PLCE1: variants seen among roughly 807,000 people sequenced by gnomAD.
The protein encoded by PLCE1 is 1-phosphatidylinositol 4,5-bisphosphate phosphodiesterase epsilon-1.
A neutral mutation model predicts 242.8 loss-of-function variants in PLCE1; 119 were observed. The ratio of observed to expected loss-of-function variants is 0.49; its 90% CI spans 0.42 to 0.57. The LOEUF (loss-of-function observed/expected upper bound fraction) is 0.57. PLCE1 is among the 20% of genes least tolerant of loss of function. The probability of loss-of-function intolerance (pLI) is 0.00; values close to 1 mark genes in which losing one functional copy is unlikely to be tolerated. For missense variants in PLCE1, 2,441 were observed against 2,788.8 expected, an observed-to-expected ratio of 0.88 and a Z score of 2.81; for synonymous variants, 945 against 1,017.4, an observed-to-expected ratio of 0.93 and a Z score of 1.35.
At chr10:94,145,197 A>G (rs1461878774) in intron 3 of PLCE1, among the ~76,000 whole-genome samples, 1 of 152,262 alleles carries the variant, frequency 6.6e-6, no homozygotes, top group Non-Finnish European at 1.5e-5. Context: ...TTCTGAAATA[A>G]AGACTGAGAT....
intron 2 of PLCE1, among the ~76,000 whole-genome samples, chr10:94,077,257 C>A (rs961347302): frequency 6.6e-6 from 1 of 152,122 alleles, no homozygotes; most frequent in African/African-American, 2.4e-5. Flanking sequence ...ACTGGGGTGA[C>A]GGGATGCTAC....
chr10:94,300,793 G>A (rs529186388), intron 24 of PLCE1, among the ~76,000 whole-genome samples: 1 of 152,298 alleles, frequency 6.6e-6, no homozygotes, highest in East Asian at 1.9e-4. Flanking sequence ...AGGTGCAGTG[G>A]CTCATACCTG....
rs117004516 is a variant in PLCE1, at chr10:94,243,178, C to T, written c.2421-2768C>T. On this transcript the variant is annotated intron_variant, in intron 7 of 32. Coordinates refer to ENST00000371380, the MANE Select transcript of PLCE1 (RefSeq NM_016341.4). Reference sequence around the variant, plus strand: ...GAGAAGTCATGTTGGTAGTAGGTGCCCTCAATATGATGTGATAAGAATGAT... The same window carrying T: ...GAGAAGTCATGTTGGTAGTAGGTGCTCTCAATATGATGTGATAAGAATGAT... Among the ~76,000 whole-genome samples, 1,418 of 152,226 alleles carry T rather than the reference C, an allele frequency of 9.3e-3. 13 individuals are homozygous for T. The highest frequency in any genetic ancestry group is 0.012 in the Non-Finnish European group (810 of 68,024).
chr10:94,204,748 G>GAGGAAGGA (rs573954218), intron 4 of PLCE1, among the ~76,000 whole-genome samples: 5,927 of 122,218 alleles, frequency 0.048, 258 homozygotes, highest in East Asian at 0.12. Flanking sequence ...AGAAGGGAGG[G>GAGGAAGGA]AGGAAGGAAG....
In PLCE1 at chr10:94,227,389, G is replaced by A. The variant is rs2049983312; in HGVS notation, c.1893G>A (p.Val631=). The stretch of plus-strand genomic sequence containing the variant: ...AAGTCTTTTCATATTTGGTGCATGT[G>A]GCCAAATGCTGCTGGAACATGGGCA... ...KREVFSYLVH[V]AKCCWNMGNY... Residue 631 remains valine (V), a synonymous_variant, in exon 5 of 33, where the codon GTG becomes GTA. Transcript: ENST00000371380. 5 of 1,613,682 alleles carry A rather than the reference G, an allele frequency of 3.1e-6. No individual in the cohort carries two copies. The highest frequency in any genetic ancestry group is 1.3e-5 in the African/African-American group (1 of 75,004).
chr10:94,235,059 C>T (rs1252826395), intron 6 of PLCE1, among the ~76,000 whole-genome samples: 1 of 132,168 alleles, frequency 7.6e-6, no homozygotes, highest in Non-Finnish European at 1.6e-5. Flanking sequence ...TACTACTGAC[C>T]TTTCACACAC....
At chr10:94,103,613 A>G (rs539145784) in intron 2 of PLCE1, among the ~76,000 whole-genome samples, 2 of 152,350 alleles carry the variant, frequency 1.3e-5, no homozygotes, top group African/African-American at 4.8e-5. Context: ...AGAAAACTGC[A>G]TGTTCTGCAC....
intron 1 of PLCE1, among the ~76,000 whole-genome samples, chr10:94,024,140 A>T (rs1023559317): frequency 6.6e-6 from 1 of 152,180 alleles, no homozygotes; most frequent in Non-Finnish European, 1.5e-5. Context: ...ATAAGGGAAA[A>T]GGGAGGAAAG....
At chr10:94,268,625 C>A (rs553059155) in intron 16 of PLCE1, among the ~76,000 whole-genome samples, 1 of 152,194 alleles carries the variant, frequency 6.6e-6, no homozygotes, top group African/African-American at 2.4e-5. Flanking sequence ...AATTTGAAGA[C>A]GTGCCCTTTC....
intron 1 of PLCE1, among the ~76,000 whole-genome samples, chr10:94,003,143 C>G (rs2060964157): frequency 6.6e-6 from 1 of 152,188 alleles, no homozygotes; most frequent in African/African-American, 2.4e-5. Context: ...ATGATTACTT[C>G]TCTTTTAAAT....
At chr10:94,192,663 T>A (rs2048704899) in intron 4 of PLCE1, among the ~76,000 whole-genome samples, 1 of 152,200 alleles carries the variant, frequency 6.6e-6, no homozygotes. Flanking sequence ...GTCTTTTTGG[T>A]AGAACGATTT....
intron 14 of PLCE1, 89 bp from the exon 15 acceptor site, chr10:94,265,558 A>T: frequency 8.8e-7 from 1 of 1,133,668 alleles, no homozygotes; most frequent in Non-Finnish European, 1.3e-6. Flanking sequence ...TGATGAAAAC[A>T]GAACAGCTTT....
chr10:94,194,085 A>G (rs879778772), intron 4 of PLCE1, among the ~76,000 whole-genome samples: 2 of 152,232 alleles, frequency 1.3e-5, no homozygotes, highest in Non-Finnish European at 2.9e-5. Flanking sequence ...AACTAGATGC[A>G]GAAACTTAGT....
chr10:94,198,093 T>A (rs1205675140), intron 4 of PLCE1, among the ~76,000 whole-genome samples: 1 of 148,236 alleles, frequency 6.7e-6, no homozygotes, highest in Non-Finnish European at 1.5e-5. Context: ...AAAGATATAA[T>A]CTCATTCTTT....
In PLCE1 at chr10:94,246,116, G is replaced by C; in HGVS notation, c.2591G>C (p.Gly864Ala). 6.2e-7 allele frequency: 1 copy of C among 1,614,074 alleles called. No individual in the cohort carries two copies. Among genetic ancestry groups the C allele is most frequent in the Non-Finnish European group, 8.5e-7 (1 of 1,180,008 alleles). The change falls in exon 8 of 33, where the codon GGG (glycine) becomes GCG (alanine). Residue 864 changes from glycine (G) to alanine (A), a missense_variant. This residue lies in a region of PLCE1 where 733 missense variants were observed against 754.2 expected (regional missense o/e 0.97). Coordinates refer to ENST00000371380, the MANE Select transcript of PLCE1 (RefSeq NM_016341.4). ...GATGTGCACCAGTTCCTGCTGCAGGGGGCCACGGTCATCCACTACGACCAG... is the reference window on the plus strand; with the variant it reads ...GATGTGCACCAGTTCCTGCTGCAGGCGGCCACGGTCATCCACTACGACCAG... ...QADVHQFLLQ[G>A]ATVIHYDQDT...
intron 2 of PLCE1, among the ~76,000 whole-genome samples, chr10:94,071,310 C>T (rs1178949873): frequency 6.6e-6 from 1 of 152,108 alleles, no homozygotes; most frequent in Non-Finnish European, 1.5e-5. Context: ...AGCTCTTCAT[C>T]TTTTTTTCTC....
chr10:94,053,022 T>C (rs1342422694), intron 2 of PLCE1, among the ~76,000 whole-genome samples: 1 of 152,188 alleles, frequency 6.6e-6, no homozygotes. Flanking sequence ...AAGCGTACTG[T>C]CCCAAATAAC....
Position 94,189,062 on chromosome 10 carries a change from C to G in PLCE1, c.1809+17566C>G, listed in dbSNP as rs78946227. On this transcript the variant is annotated intron_variant, in intron 4 of 32. Coordinates refer to ENST00000371380, the MANE Select transcript of PLCE1 (RefSeq NM_016341.4). ...GAATTTCAAATACCCTTTTGCAGCTCTTTCCACTTGTGTATTGATAGTCGC... is the reference window on the plus strand; with the variant it reads ...GAATTTCAAATACCCTTTTGCAGCTGTTTCCACTTGTGTATTGATAGTCGC... Among the ~76,000 whole-genome samples the G allele has an allele frequency of 3.3e-3, 491 of 149,154 alleles. 15 individuals carry two copies. In the East Asian group the frequency reaches 0.077, roughly 23 times the overall value.
chr10:94,106,757 C>A (rs1234878530), intron 2 of PLCE1, among the ~76,000 whole-genome samples: 1 of 152,032 alleles, frequency 6.6e-6, no homozygotes, highest in Non-Finnish European at 1.5e-5. Flanking sequence ...TCCTTCTTAA[C>A]CGTTCCAGTC....
Sources: gnomAD v4.1 joint callset for allele counts (sites outside exome capture counted in the v4.1 genomes callset) on GRCh38, gnomAD v4.1.1 for gene constraint, gnomAD v4.1.1 regional missense constraint, MANE v1.5 for transcripts, NCBI Gene and HGNC (gene_info 2026-07-23, HGNC 2026-07-21) for gene names.